ZNF445: variants seen among roughly 807,000 people sequenced by gnomAD.
ZNF445 encodes the protein zinc finger protein 168.
A neutral mutation model predicts 93.9 loss-of-function variants in ZNF445; 19 were observed. The ratio of observed to expected loss-of-function variants is 0.20; its 90% CI spans 0.14 to 0.30. ZNF445 has a LOEUF of 0.30. ZNF445 is among the 10% of genes least tolerant of loss of function. The pLI is 1.00. For missense variants in ZNF445, 1,058 were observed against 1,259.4 expected (o/e 0.84, Z 2.42); for synonymous variants, 449 against 446.3 (o/e 1.01, Z -0.08).
intron 1 of ZNF445, among the ~76,000 whole-genome samples, chr3:44,475,173 T>C (rs1698330188): frequency 1.3e-5 from 2 of 152,022 alleles, no homozygotes; most frequent in Admixed American, 6.5e-5. Context: ...TTTTATCTGA[T>C]TTATTTCCAT....
Position 44,446,540 on chromosome 3 carries a change from A to T in ZNF445, c.*35T>A. On this transcript the variant is annotated 3_prime_UTR_variant, in exon 8 of 8. Transcript: ENST00000396077. The surrounding 1 kb of genome is among the most constrained non-coding windows in gnomAD (Gnocchi z 4.2). The stretch of plus-strand genomic sequence containing the variant: ...TTAAGGGTTCTCTAGCAGGGGACTG[A>T]GAACCCACCCCCACTGTCACTGTCA... 6.2e-7 allele frequency: 1 copy of T among 1,612,506 alleles called. No homozygotes were observed. The highest frequency in any genetic ancestry group is 8.5e-7 in the Non-Finnish European group (1 of 1,179,710).
rs112610581 is a variant in ZNF445 at position 44,447,535 on chromosome 3, G to A, written c.2136C>T (p.Ser712=). 40,624 of 1,614,044 alleles carry A rather than the reference G, an allele frequency of 0.025. 629 individuals carry two copies. The highest frequency in any genetic ancestry group is 0.03 in the Non-Finnish European group (35,597 of 1,180,000). Residue 712 remains serine, a synonymous_variant, in exon 8 of 8, where the codon AGC becomes AGT. Coordinates refer to ENST00000396077, the MANE Select transcript of ZNF445 (RefSeq NM_181489.6). The surrounding 1 kb of genome is among the most constrained non-coding windows in gnomAD (Gnocchi z 4.7). ...IHTGEKPYQC[S]DCGKDFAYRS... ...TATAGGCAAAGTCCTTCCCACAATC[G>A]CTACACTGGTAAGGTTTCTCACCTG... is the stretch of plus-strand genomic sequence containing the variant.
rs571447551 is a variant in ZNF445, at chr3:44,454,761, G to C, written c.429+360C>G. 40 of 294,404 alleles carry C rather than the reference G, an allele frequency of 1.4e-4. No individual in the cohort carries two copies. The South Asian group carries it at 1.5e-3, about 11-fold the overall frequency. 18.2% of individuals were successfully genotyped at this position (294,404 alleles called of 1,614,324 possible). On this transcript the variant is annotated intron_variant, in intron 3 of 7. Transcript: ENST00000396077. Reference sequence around the variant, plus strand: ...ATTATGTATAGAGACAGTGTGGGGGGGTCCTCCTATGTTGTCCAGGCTGGC... The same window carrying C: ...ATTATGTATAGAGACAGTGTGGGGGCGTCCTCCTATGTTGTCCAGGCTGGC...
intron 1 of ZNF445, among the ~76,000 whole-genome samples, chr3:44,468,252 G>A (rs531317273): frequency 1.3e-5 from 2 of 152,244 alleles, no homozygotes; most frequent in African/African-American, 4.8e-5. Flanking sequence ...AATCCAAAGG[G>A]AGGGACTGAA....
chr3:44,472,699 C>G (rs1245768596), intron 1 of ZNF445, among the ~76,000 whole-genome samples: 1 of 152,148 alleles, frequency 6.6e-6, no homozygotes, highest in Non-Finnish European at 1.5e-5. Context: ...AGTGAACATA[C>G]AGCTACCTCA....
chr3:44,454,330 C>T (rs753174322), intron 3 of ZNF445, among the ~76,000 whole-genome samples: 5 of 152,070 alleles, frequency 3.3e-5, no homozygotes, highest in Non-Finnish European at 5.9e-5. Flanking sequence ...AATGCTGTCC[C>T]AACACCCACC....
intron 1 of ZNF445, among the ~76,000 whole-genome samples, chr3:44,460,302 G>A (rs1195946640): frequency 6.6e-6 from 1 of 152,134 alleles, no homozygotes; most frequent in Non-Finnish European, 1.5e-5. Context: ...ACTAACTTTG[G>A]GAGAAACTAA....
chr3:44,451,132 TG>T (rs903278942), intron 4 of ZNF445, among the ~76,000 whole-genome samples, 170 bp from the exon 5 acceptor site: 8 of 151,380 alleles, frequency 5.3e-5, no homozygotes, highest in Non-Finnish European at 1.2e-4. Context: ...GGTAGTGGGA[TG>T]GGGGGTGTAA....
chr3:44,472,882 AC>A (rs1698291131), intron 1 of ZNF445, among the ~76,000 whole-genome samples: 1 of 151,688 alleles, frequency 6.6e-6, no homozygotes, highest in South Asian at 2.1e-4. Flanking sequence ...TATTCTCAGG[AC>A]TCTCCCCCCA....
At position 44,443,379 on chromosome 3, in the gene ZNF445, G is replaced by C. The variant is rs150072475; in HGVS notation, c.*3196C>G. ...AAAACTCAGGTTATTGGACAAATAG[G>C]TTCAGTATAATCCCAAATATAAACA... On this transcript the variant is annotated 3_prime_UTR_variant, in exon 8 of 8. Coordinates refer to ENST00000396077, the MANE Select transcript of ZNF445 (RefSeq NM_181489.6). 2.0e-5 allele frequency: 3 copies of C among 152,044 alleles called. No individual in the cohort carries two copies. Among genetic ancestry groups the C allele is most frequent in the Non-Finnish European group, 4.4e-5 (3 of 68,006 alleles). The allele number at this position is 152,044 out of a possible 1,614,324, so 9.4% of individuals were successfully genotyped here.
rs1032295282 is a variant in ZNF445 at position 44,433,609 on chromosome 3, G to C, written c.*12966C>G. 6.6e-6 allele frequency: 1 copy of C among 152,502 alleles called. No homozygotes were observed. Among genetic ancestry groups the C allele is most frequent in the Non-Finnish European group, 1.5e-5 (1 of 68,278 alleles). The allele number at this position is 152,502 out of a possible 1,614,324, so 9.4% of individuals were successfully genotyped here. On this transcript the variant is annotated 3_prime_UTR_variant, in exon 8 of 8. Coordinates refer to ENST00000396077, the MANE Select transcript of ZNF445 (RefSeq NM_181489.6). ...GAGAAATGCCCAGGGAGGGAGACTG[G>C]AGAAGGTTCAGGGACCAAGTTCTGG...
In ZNF445 at chr3:44,445,803, A is replaced by G. The variant is rs1452736224; in HGVS notation, c.*772T>C. The G allele has an allele frequency of 6.6e-6, 1 of 152,424 alleles. No individual in the cohort carries two copies. The highest frequency in any genetic ancestry group is 1.5e-5 in the Non-Finnish European group (1 of 68,194). The allele number at this position is 152,424 out of a possible 1,614,324, so 9.4% of individuals were successfully genotyped here. A position where few individuals can be genotyped will look rare whatever the true frequency, so the allele number is the denominator to read the frequency against. ...CGTATCCCATTTGTTTGTCATCTGT[A>G]AAGATCCAAGATGGCAGGATTTTCA... On this transcript the variant is annotated 3_prime_UTR_variant, in exon 8 of 8. Transcript: ENST00000396077.
intron 1 of ZNF445, among the ~76,000 whole-genome samples, chr3:44,463,276 T>G (rs932000203): frequency 2.0e-5 from 3 of 152,168 alleles, no homozygotes; most frequent in Non-Finnish European, 2.9e-5. Context: ...CCTCAGGTGA[T>G]CTGCCTGACT....
At position 44,458,367 on chromosome 3, in the gene ZNF445, CAAAAA is replaced by C. The variant is rs1279300667; in HGVS notation, c.-268-8_-268-4del. 3 of 150,850 alleles carry C rather than the reference CAAAAA, an allele frequency of 2.0e-5. No individual in the cohort carries two copies. The highest frequency in any genetic ancestry group is 6.6e-5 in the Admixed American group (1 of 15,062). The allele number at this position is 150,850 out of a possible 1,614,324, so 9.3% of individuals were successfully genotyped here. A position where few individuals can be genotyped will look rare whatever the true frequency, so the allele number is the denominator to read the frequency against. On this transcript the variant is annotated splice_polypyrimidine_tract_variant and splice_region_variant and intron_variant, in intron 1 of 7. Transcript: ENST00000396077. ...CTTGCGAAAGAGCGAGACTCCACCT[CAAAAA>C]AAAGAACATAGGAGAAAACCTTTAG...
chr3:44,467,490 G>A (rs1698211423), intron 1 of ZNF445, among the ~76,000 whole-genome samples: 3 of 152,094 alleles, frequency 2.0e-5, no homozygotes, highest in Admixed American at 2.0e-4. Flanking sequence ...ACAACCCGTG[G>A]TAAGTAAAGA....
intron 3 of ZNF445, 55 bp downstream of exon 3, chr3:44,455,066 G>A (rs1299727450): frequency 1.2e-6 from 2 of 1,608,220 alleles, no homozygotes; most frequent in Admixed American, 3.3e-5. Context: ...CCCCAGACAA[G>A]CTGGCTCACT....
rs1053691693 is a variant in ZNF445, at chr3:44,436,605, G to A, written c.*9970C>T. 6.6e-6 allele frequency: 1 copy of A among 151,916 alleles called. No individual in the cohort carries two copies. Among genetic ancestry groups the A allele is most frequent in the Non-Finnish European group, 1.5e-5 (1 of 68,010 alleles). 9.4% of individuals were successfully genotyped at this position (151,916 alleles called of 1,614,324 possible). ...TCTACAGTATACCAACGAAGTTCTC[G>A]CATTTCAACTCATTCAGTGCAGGTT... On this transcript the variant is annotated 3_prime_UTR_variant, in exon 8 of 8. Transcript: ENST00000396077.
chr3:44,473,491 A>ACACAC (rs768926978), intron 1 of ZNF445, among the ~76,000 whole-genome samples: 8 of 89,886 alleles, frequency 8.9e-5, no homozygotes, highest in South Asian at 5.1e-4. Context: ...ACACACACAC[A>ACACAC]AAAAATGCTT....
chr3:44,444,217 G>A lies in ZNF445; in HGVS notation c.*2358C>T, dbSNP rs1231626565. On this transcript the variant is annotated 3_prime_UTR_variant, in exon 8 of 8. Transcript: ENST00000396077. ...ATCCTGTGGCAAAGGGAGCAGAGAT[G>A]GGGGGAAAGGGGTGCTAAAAGTTTG... 1.3e-5 allele frequency: 2 copies of A among 152,166 alleles called. No homozygotes were observed. Among genetic ancestry groups the A allele is most frequent in the East Asian group, 3.9e-4 (2 of 5,186 alleles). The allele number at this position is 152,166 out of a possible 1,614,324, so 9.4% of individuals were successfully genotyped here. A position where few individuals can be genotyped will look rare whatever the true frequency, so the allele number is the denominator to read the frequency against.
Sources: allele counts gnomAD v4.1 joint callset (sites outside exome capture counted in the v4.1 genomes callset), GRCh38; gene constraint gnomAD v4.1.1; non-coding constraint Gnocchi (gnomAD v3.1); transcripts MANE v1.5; gene names NCBI Gene and HGNC (gene_info 2026-07-23, HGNC 2026-07-21).